Variants in USP43 observed in about 807,000 individuals in gnomAD.
USP43 encodes the protein ubiquitin specific peptidase 43.
In USP43, 33 loss-of-function variants were observed where a neutral mutation model predicts 90.7. The ratio of observed to expected loss-of-function variants is 0.36; its 90% CI spans 0.28 to 0.49. The LOEUF (loss-of-function observed/expected upper bound fraction) is 0.49. Ranked by LOEUF, USP43 falls within the 20% of genes least tolerant of loss-of-function variation. The pLI is 0.98. For synonymous variants in USP43, 598 were observed against 615.8 expected, an observed-to-expected ratio of 0.97 and a Z score of 0.43; for missense variants, 1,274 against 1,476.4, an observed-to-expected ratio of 0.86 and a Z score of 2.25.
At chr17:9,666,266 G>A (rs1913029758) in intron 2 of USP43, among the ~76,000 whole-genome samples, 1 of 152,180 alleles carries the variant, frequency 6.6e-6, no homozygotes, top group Non-Finnish European at 1.5e-5. Context: ...TGGTGTGGAT[G>A]CGTTTGAGGT....
In USP43 at chr17:9,682,539, C is replaced by T. The variant is rs917739195; in HGVS notation, c.1106-284C>T. 3.9e-5 allele frequency among the ~76,000 whole-genome samples: 6 copies of T among 152,216 alleles called. No individual in the cohort carries two copies. In the South Asian group the frequency reaches 1.2e-3, roughly 32 times the overall value. On this transcript the variant is annotated intron_variant, in intron 6 of 14. Coordinates refer to ENST00000285199, the MANE Select transcript of USP43 (RefSeq NM_153210.5). ...GAGCCAAGATTGTGCCACTGTACTC[C>T]ATCCAGCCTGGGGGACAGAGCGAGA... is the stretch of plus-strand genomic sequence containing the variant.
intron 6 of USP43, among the ~76,000 whole-genome samples, chr17:9,682,510 C>G (rs151259114): frequency 1.4e-3 from 214 of 152,312 alleles, no homozygotes; most frequent in African/African-American, 4.8e-3. Flanking sequence ...GTAGAGTTTG[C>G]AGTGAGCCAA....
At chr17:9,720,321 CAAAAAAA>C (rs980644442) in intron 14 of USP43, among the ~76,000 whole-genome samples, 2 of 43,726 alleles carry the variant, frequency 4.6e-5, no homozygotes, top group African/African-American at 7.2e-5. Flanking sequence ...GACTCCATCT[CAAAAAAA>C]AAAAAAAAAA....
At chr17:9,664,346 A>C (rs1912858007) in intron 2 of USP43, among the ~76,000 whole-genome samples, 1 of 152,104 alleles carries the variant, frequency 6.6e-6, no homozygotes, top group African/African-American at 2.4e-5. Flanking sequence ...AGTAAATTGC[A>C]CACCTTACCC....
At chr17:9,691,300 T>C (rs1026927456) in intron 8 of USP43, among the ~76,000 whole-genome samples, 2 of 151,070 alleles carry the variant, frequency 1.3e-5, no homozygotes, top group African/African-American at 4.9e-5. Context: ...GTATTTTTAG[T>C]AGAGATGTAG....
At position 9,701,184 on chromosome 17, in the gene USP43, C is replaced by A; in HGVS notation, c.1601C>A (p.Ala534Glu). 6.4e-7 allele frequency: 1 copy of A among 1,559,482 alleles called. No individual in the cohort carries two copies. ...DADSVWQQQQ[A>E]HQQHSCTLDE... ...GACAGTGTGTGGCAGCAGCAGCAGG[C>A]GCATCAGCAGCACAGCTGTACCTTG... The change falls in exon 11 of 15, where the codon GCG (alanine) becomes GAG (glutamate). Residue 534 changes from alanine (A) to glutamate (E), a missense_variant. Around this residue, in one of 6 missense-constraint regions of USP43, gnomAD observed 253 missense variants for 276.0 expected, o/e 0.92. Transcript: ENST00000285199. The surrounding 1 kb of genome is among the most constrained non-coding windows in gnomAD (Gnocchi z 7.2).
intron 14 of USP43, among the ~76,000 whole-genome samples, chr17:9,718,124 A>G (rs1916704927): frequency 1.4e-5 from 2 of 143,684 alleles, no homozygotes; most frequent in Non-Finnish European, 3.0e-5. Flanking sequence ...AATGTTTAAT[A>G]GTAGAAGTGT....
chr17:9,697,218 A>AAAAT (rs1024126828), intron 9 of USP43, among the ~76,000 whole-genome samples: 4 of 152,114 alleles, frequency 2.6e-5, no homozygotes, highest in African/African-American at 7.2e-5. Context: ...CTCTGTCTCA[A>AAAAT]AAATAAATAA....
intron 12 of USP43, among the ~76,000 whole-genome samples, chr17:9,703,414 A>G (rs1252006094): frequency 6.6e-6 from 1 of 152,242 alleles, no homozygotes; most frequent in Non-Finnish European, 1.5e-5. Context: ...CCTTATCAAA[A>G]GCGAGATCCA....
chr17:9,688,918 G>A (rs1567665382), intron 8 of USP43, among the ~76,000 whole-genome samples: 3 of 151,676 alleles, frequency 2.0e-5, no homozygotes, highest in Admixed American at 2.0e-4. Flanking sequence ...TGAACTCCCG[G>A]GCTCAGTTGA....
intron 6 of USP43, among the ~76,000 whole-genome samples, chr17:9,681,216 T>A (rs1914200400): frequency 9.0e-6 from 1 of 111,152 alleles, no homozygotes. Flanking sequence ...ATATATACAT[T>A]ATATAGAATA....
intron 8 of USP43, 146 bp from the exon 9 acceptor site, chr17:9,692,981 A>G: frequency 1.4e-6 from 1 of 701,774 alleles, no homozygotes; most frequent in Non-Finnish European, 2.4e-6. Flanking sequence ...TTGTCTCTTA[A>G]TTTTGAATTC....
intron 7 of USP43, among the ~76,000 whole-genome samples, chr17:9,685,439 A>T (rs529081018): frequency 4.6e-5 from 7 of 152,314 alleles, no homozygotes; most frequent in African/African-American, 1.7e-4. Context: ...AAGTTGTGTC[A>T]TCTGGATTTA....
At chr17:9,689,509 T>C (rs1914802552) in intron 8 of USP43, among the ~76,000 whole-genome samples, 1 of 152,024 alleles carries the variant, frequency 6.6e-6, no homozygotes, top group South Asian at 2.1e-4. Context: ...ACTCCTGGGC[T>C]CAAGTGATCC....
chr17:9,671,474 G>T (rs1202426997), intron 3 of USP43, among the ~76,000 whole-genome samples: 3 of 152,178 alleles, frequency 2.0e-5, no homozygotes, highest in Non-Finnish European at 4.4e-5. Flanking sequence ...AAGTGGACTG[G>T]GTTTGAGGTG....
At chr17:9,696,032 T>C (rs1300371251) in intron 9 of USP43, among the ~76,000 whole-genome samples, 3 of 152,196 alleles carry the variant, frequency 2.0e-5, no homozygotes, top group Non-Finnish European at 4.4e-5. Context: ...TTTTTTTGTC[T>C]GCTTGAAATC....
chr17:9,668,982 C>T (rs1049283136), intron 3 of USP43, among the ~76,000 whole-genome samples: 10 of 151,416 alleles, frequency 6.6e-5, no homozygotes, highest in South Asian at 2.1e-4. Flanking sequence ...ATTACAGGTG[C>T]GTGCCACCAT....
chr17:9,705,848 A>G (rs151175724), intron 12 of USP43, among the ~76,000 whole-genome samples: 1 of 152,162 alleles, frequency 6.6e-6, no homozygotes, highest in Non-Finnish European at 1.5e-5. Flanking sequence ...GTCATTTTCT[A>G]CATATGGAAG....
chr17:9,657,938 T>C (rs1333790154), intron 2 of USP43, among the ~76,000 whole-genome samples: 1 of 152,218 alleles, frequency 6.6e-6, no homozygotes, highest in African/African-American at 2.4e-5. Context: ...TGAGCTTTGA[T>C]AATTCCATAT....
Sources: gnomAD v4.1 joint callset for allele counts (sites outside exome capture counted in the v4.1 genomes callset) on GRCh38, gnomAD v4.1.1 for gene constraint, gnomAD v4.1.1 regional missense constraint, Gnocchi (gnomAD v3.1) non-coding constraint, MANE v1.5 for transcripts, NCBI Gene and HGNC (gene_info 2026-07-23, HGNC 2026-07-21) for gene names.